The following VPS41 variants were observed in gnomAD, a reference collection of about 807,000 sequenced individuals.
VPS41 encodes the protein VPS41 subunit of HOPS complex, also known as vacuolar protein sorting-associated protein 41 homolog.
In VPS41, 85 loss-of-function variants were observed where a neutral mutation model predicts 130.9. That is an observed-to-expected ratio of 0.65 (90% CI 0.55 to 0.78). VPS41 has a LOEUF of 0.78. Among genes scored for constraint, VPS41 ranks in the 30% least tolerant of loss-of-function variants. VPS41 has a pLI of 0.00. For synonymous variants in VPS41, 335 were observed against 332.9 expected, an observed-to-expected ratio of 1.01 and a Z score of -0.07; for missense variants, 874 against 1,018.7, an observed-to-expected ratio of 0.86 and a Z score of 1.93.
intron 11 of VPS41, chr7:38,775,196 T>C (rs1465188753): frequency 6.6e-6 from 1 of 152,248 alleles, no homozygotes; most frequent in Admixed American, 6.5e-5. Context: ...TACCTCTTTG[T>C]TCCTTTTGCC....
At chr7:38,885,994 G>A (rs371258462) in intron 2 of VPS41, among the ~76,000 whole-genome samples, 1 of 152,232 alleles carries the variant, frequency 6.6e-6, no homozygotes, top group Non-Finnish European at 1.5e-5. Context: ...CTCTGAATGA[G>A]AGAGAGAAAA....
At chr7:38,749,870 TTTTA>T (rs1166386666) in intron 22 of VPS41, among the ~76,000 whole-genome samples, 1 of 152,200 alleles carries the variant, frequency 6.6e-6, no homozygotes, top group Non-Finnish European at 1.5e-5. Context: ...TATTATTCTT[TTTTA>T]TTTATTTAAA....
At chr7:38,758,991 T>C (rs1783862120) in intron 17 of VPS41, among the ~76,000 whole-genome samples, 1 of 152,256 alleles carries the variant, frequency 6.6e-6, no homozygotes, top group Admixed American at 6.5e-5. Flanking sequence ...ATTTGGCTGT[T>C]CATCTGTATC....
intron 22 of VPS41, among the ~76,000 whole-genome samples, chr7:38,751,819 G>T (rs1783680413): frequency 6.6e-6 from 1 of 152,214 alleles, no homozygotes; most frequent in South Asian, 2.1e-4. Flanking sequence ...AGGACAGTCT[G>T]TGTCTCCCTC....
chr7:38,779,818 T>TA (rs975363609), intron 10 of VPS41, among the ~76,000 whole-genome samples: 11 of 152,186 alleles, frequency 7.2e-5, no homozygotes, highest in African/African-American at 2.4e-4. Context: ...TATATTCTTG[T>TA]AAAAAATGCA....
chr7:38,765,379 A>G (rs1271056968), intron 16 of VPS41, among the ~76,000 whole-genome samples: 1 of 144,790 alleles, frequency 6.9e-6, no homozygotes, highest in Non-Finnish European at 1.5e-5. Flanking sequence ...CACATTGTAT[A>G]TGTAATAAAT....
chr7:38,899,307 A>C (rs944260725), intron 1 of VPS41, among the ~76,000 whole-genome samples: 18 of 152,236 alleles, frequency 1.2e-4, no homozygotes, highest in African/African-American at 4.3e-4. Context: ...TGTTTAGCTT[A>C]ATGTCAATCC....
intron 25 of VPS41, among the ~76,000 whole-genome samples, chr7:38,730,242 G>A (rs1795636172): frequency 6.6e-6 from 1 of 152,152 alleles, no homozygotes; most frequent in Non-Finnish European, 1.5e-5. Flanking sequence ...TGGGCATTTT[G>A]CTTTCATAAG....
rs777196943 is a variant in VPS41 at position 38,869,928 on chromosome 7, G to A, written c.61-675C>T. 4.6e-4 allele frequency among the ~76,000 whole-genome samples: 70 copies of A among 152,074 alleles called. 1 individual carries two copies. The highest frequency in any genetic ancestry group is 6.0e-4 in the Non-Finnish European group (41 of 68,012). On this transcript the variant is annotated intron_variant, in intron 2 of 28. Coordinates refer to ENST00000310301, the MANE Select transcript of VPS41 (RefSeq NM_014396.4). ...CACAAATAACCAGAAAGTCTTGATG[G>A]AATATATAACAACATCTATCCAAGG...
intron 1 of VPS41, 120 bp from the exon 2 acceptor site, chr7:38,898,249 C>T: frequency 1.3e-6 from 1 of 778,180 alleles, no homozygotes; most frequent in Non-Finnish European, 2.1e-6. Flanking sequence ...AGAGAATCTA[C>T]AACTATACTT....
At chr7:38,737,017 G>T (rs908210808) in intron 25 of VPS41, among the ~76,000 whole-genome samples, 1 of 152,142 alleles carries the variant, frequency 6.6e-6, no homozygotes, top group Non-Finnish European at 1.5e-5. Context: ...TGGTGGAAAA[G>T]GAAGTTGGGC....
At chr7:38,849,502 C>T (rs988536758) in intron 4 of VPS41, among the ~76,000 whole-genome samples, 1 of 152,116 alleles carries the variant, frequency 6.6e-6, no homozygotes, top group Non-Finnish European at 1.5e-5. Flanking sequence ...GATGGGGGAG[C>T]CCGAAAGGAG....
At chr7:38,793,150 A>G (rs543148805) in intron 9 of VPS41, among the ~76,000 whole-genome samples, 1 of 152,208 alleles carries the variant, frequency 6.6e-6, no homozygotes, top group Non-Finnish European at 1.5e-5. Flanking sequence ...TGCTATACTT[A>G]CTTGTTTTTG....
chr7:38,822,791 G>C (rs983738111), intron 5 of VPS41, among the ~76,000 whole-genome samples: 13 of 152,190 alleles, frequency 8.5e-5, no homozygotes, highest in African/African-American at 3.1e-4. Flanking sequence ...CTCACCATGA[G>C]AAAGTTTGAA....
intron 15 of VPS41, among the ~76,000 whole-genome samples, chr7:38,766,614 T>C (rs1379398085): frequency 1.3e-5 from 2 of 152,150 alleles, no homozygotes; most frequent in East Asian, 1.9e-4. Flanking sequence ...CCAAATCTCA[T>C]CTTGAATTGT....
chr7:38,763,061 T>G (rs2115779143), intron 17 of VPS41, among the ~76,000 whole-genome samples: 1 of 152,184 alleles, frequency 6.6e-6, no homozygotes, highest in South Asian at 2.1e-4. Flanking sequence ...AATAGGAAAA[T>G]TATAACATAC....
At chr7:38,863,367 A>G (rs1005775520) in intron 3 of VPS41, among the ~76,000 whole-genome samples, 1 of 152,172 alleles carries the variant, frequency 6.6e-6, no homozygotes, top group African/African-American at 2.4e-5. Context: ...TTATTTCAGC[A>G]TTACTCAAAT....
At chr7:38,866,161 C>T (rs1220695214) in intron 3 of VPS41, among the ~76,000 whole-genome samples, 7 of 152,152 alleles carry the variant, frequency 4.6e-5, no homozygotes, top group South Asian at 4.1e-4. Context: ...GAGCACCACA[C>T]TTATGGCAGA....
intron 21 of VPS41, 29 bp from the exon 22 acceptor site, chr7:38,752,342 C>A (rs749777944): frequency 2.5e-6 from 4 of 1,611,926 alleles, no homozygotes. Context: ...AAGCCGTGAC[C>A]CATTAAAATG....
Sources: allele counts gnomAD v4.1 joint callset (sites outside exome capture counted in the v4.1 genomes callset), GRCh38; gene constraint gnomAD v4.1.1; transcripts MANE v1.5; gene names NCBI Gene and HGNC (gene_info 2026-07-23, HGNC 2026-07-21).